ASTN1: variants seen among roughly 807,000 people sequenced by gnomAD.
The protein encoded by ASTN1 is astrotactin-1.
ASTN1 carries 41 observed loss-of-function variants against 140.7 expected under a neutral mutation model. That is an observed-to-expected ratio of 0.29 (90% confidence interval 0.23 to 0.38). The LOEUF (loss-of-function observed/expected upper bound fraction) is 0.38. Ranked by LOEUF, ASTN1 falls within the 10% of genes least tolerant of loss-of-function variation. ASTN1 has a pLI of 1.00. For missense variants in ASTN1, 1,479 were observed against 1,678.8 expected (o/e 0.88, Z 2.08); for synonymous variants, 640 against 652.2 (o/e 0.98, Z 0.29).
intron 1 of ASTN1, among the ~76,000 whole-genome samples, chr1:177,108,446 C>A (rs770205300): frequency 6.6e-6 from 1 of 151,532 alleles, no homozygotes; most frequent in Non-Finnish European, 1.5e-5. Context: ...TAAGTGAAAT[C>A]ATACAGTACT....
intron 1 of ASTN1, among the ~76,000 whole-genome samples, chr1:177,146,013 C>T (rs1036584374): frequency 2.0e-5 from 3 of 151,928 alleles, no homozygotes; most frequent in Admixed American, 2.0e-4. Context: ...GAAGCCAGAA[C>T]TAAGAAATTT....
At position 177,024,638 on chromosome 1, in the gene ASTN1, G is replaced by C; in HGVS notation, c.1215C>G (p.Asn405Lys). 1 of 1,614,108 alleles carries C rather than the reference G, an allele frequency of 6.2e-7. No individual in the cohort carries two copies. The highest frequency in any genetic ancestry group is 8.5e-7 in the Non-Finnish European group (1 of 1,180,016). The change falls in exon 6 of 23, where the codon AAC becomes AAG. Residue 405 changes from asparagine (N) to lysine (K), a missense_variant. Coordinates refer to ENST00000361833, the MANE Select transcript of ASTN1 (RefSeq NM_004319.3). ...VIGLVCSSHV[N>K]CPLVVKITLH... ...GGGTGATCTTGACAACGAGAGGGCA[G>C]TTGACGTGAGAGGAGCACACGAGGC...
At chr1:176,915,130 T>C (rs10913276) in intron 16 of ASTN1, among the ~76,000 whole-genome samples, 7,986 of 152,306 alleles carry the variant, frequency 0.052, 290 homozygotes, top group South Asian at 0.11. Context: ...GCATACAGTG[T>C]TGGTCAAAAA....
At chr1:176,960,786 C>G (rs1215859498) in intron 9 of ASTN1, among the ~76,000 whole-genome samples, 2 of 152,152 alleles carry the variant, frequency 1.3e-5, no homozygotes, top group East Asian at 3.8e-4. Context: ...TGCTTTTGCT[C>G]CTAATAGTCC....
downstream of ASTN1, chr1:176,861,049 C>A (rs1358766979): frequency 3.2e-6 from 3 of 943,128 alleles, no homozygotes; most frequent in African/African-American, 5.3e-5. Context: ...CTGAAAGACA[C>A]AACATCCACA....
intron 8 of ASTN1, among the ~76,000 whole-genome samples, chr1:176,999,680 T>A (rs1674623947): frequency 6.6e-6 from 1 of 151,838 alleles, no homozygotes; most frequent in Non-Finnish European, 1.5e-5. Flanking sequence ...TGTCATCTTG[T>A]AATTCCCAAA....
chr1:177,136,941 C>A (rs1332321311), intron 1 of ASTN1, among the ~76,000 whole-genome samples: 5 of 152,118 alleles, frequency 3.3e-5, no homozygotes, highest in Non-Finnish European at 1.5e-5. Flanking sequence ...CCTGATAATC[C>A]TTTGTTGTGT....
intron 7 of ASTN1, among the ~76,000 whole-genome samples, chr1:177,021,441 T>C (rs908435271): frequency 6.6e-6 from 1 of 152,176 alleles, no homozygotes; most frequent in African/African-American, 2.4e-5. Context: ...TGCTTAGTAA[T>C]GGTTGTTTTT....
intron 9 of ASTN1, among the ~76,000 whole-genome samples, chr1:176,960,036 T>TAC (rs898932265): frequency 6.6e-6 from 1 of 151,792 alleles, no homozygotes. Context: ...CACACACACA[T>TAC]ACACACACAC....
intron 8 of ASTN1, among the ~76,000 whole-genome samples, chr1:176,977,585 T>C (rs1673419835): frequency 6.6e-6 from 1 of 152,242 alleles, no homozygotes; most frequent in Admixed American, 6.5e-5. Context: ...TTGTCAATTT[T>C]GATGATTGAA....
intron 16 of ASTN1, among the ~76,000 whole-genome samples, chr1:176,933,487 A>G (rs938701085): frequency 6.6e-6 from 1 of 152,246 alleles, no homozygotes; most frequent in Admixed American, 6.5e-5. Context: ...TTGATCAGAT[A>G]CAAATATACT....
rs753935228 is a variant in ASTN1 at position 177,144,253 on chromosome 1, A to AT, written c.283+20140dup. Among the ~76,000 whole-genome samples the AT allele has an allele frequency of 5.9e-3, 814 of 137,886 alleles. 4 individuals are homozygous for AT. The highest frequency in any genetic ancestry group is 0.025 in the South Asian group (108 of 4,308). The allele number at this position is 137,886 out of a possible 152,430, so 90.5% of individuals were successfully genotyped here. ...GATGAGATGGAAGTGGAACTCAATG[A>AT]TTTTTTTTTTTTTTTCTGAGACGAA... On this transcript the variant is annotated intron_variant, in intron 1 of 22. Coordinates refer to ENST00000361833, the MANE Select transcript of ASTN1 (RefSeq NM_004319.3).
At chr1:176,940,250 C>T (rs1671659768) in intron 14 of ASTN1, among the ~76,000 whole-genome samples, 1 of 152,214 alleles carries the variant, frequency 6.6e-6, no homozygotes, top group Non-Finnish European at 1.5e-5. Flanking sequence ...AACCCATTAT[C>T]TAGAGTAACC....
chr1:176,961,408 C>T (rs1672654893), intron 9 of ASTN1, among the ~76,000 whole-genome samples: 2 of 152,144 alleles, frequency 1.3e-5, no homozygotes, highest in Admixed American at 6.5e-5. Flanking sequence ...GTAGGGGAAG[C>T]AAAGTCAGGT....
At chr1:176,939,035 C>T (rs1671571346) in intron 14 of ASTN1, among the ~76,000 whole-genome samples, 1 of 152,000 alleles carries the variant, frequency 6.6e-6, no homozygotes, top group Non-Finnish European at 1.5e-5. Context: ...TTGCTTGAAC[C>T]CAGGGGGCGG....
intron 15 of ASTN1, among the ~76,000 whole-genome samples, chr1:176,935,763 C>T (rs889660501): frequency 2.7e-5 from 4 of 147,776 alleles, no homozygotes; most frequent in African/African-American, 1.0e-4. Context: ...CTCTCTCTTT[C>T]TCTCTCTCTC....
chr1:177,005,517 C>A (rs886311820), intron 8 of ASTN1, among the ~76,000 whole-genome samples: 21 of 152,242 alleles, frequency 1.4e-4, no homozygotes, highest in African/African-American at 5.1e-4. Context: ...CAAAAAGACA[C>A]CTGCATGTAT....
chr1:177,142,610 A>G (rs1682522455), intron 1 of ASTN1, among the ~76,000 whole-genome samples: 1 of 152,188 alleles, frequency 6.6e-6, no homozygotes, highest in African/African-American at 2.4e-5. Context: ...TTCACATTCA[A>G]AATGTTACAT....
At chr1:176,876,879 A>G (rs971487703) in intron 20 of ASTN1, among the ~76,000 whole-genome samples, 1 of 152,134 alleles carries the variant, frequency 6.6e-6, no homozygotes, top group Admixed American at 6.6e-5. Context: ...TTTGGCAGAA[A>G]GCATCTGGCA....
Sources: allele counts gnomAD v4.1 joint callset (sites outside exome capture counted in the v4.1 genomes callset), GRCh38; gene constraint gnomAD v4.1.1; transcripts MANE v1.5; gene names NCBI Gene and HGNC (gene_info 2026-07-23, HGNC 2026-07-21).